Variants in CNTNAP3B observed in about 807,000 individuals in gnomAD.
CNTNAP3B encodes the protein contactin-associated protein-like 3B.
A neutral mutation model predicts 108.9 loss-of-function variants in CNTNAP3B; 25 were observed. The observed-to-expected ratio is 0.23, with a 90% confidence interval of 0.17 to 0.32. CNTNAP3B has a LOEUF of 0.32. Among genes scored for constraint, CNTNAP3B ranks in the 10% least tolerant of loss-of-function variants. The probability of loss-of-function intolerance (pLI) is 1.00; values close to 1 mark genes in which losing one functional copy is unlikely to be tolerated. For missense variants in CNTNAP3B, 252 were observed against 1,210.4 expected (o/e 0.21, Z 11.75); for synonymous variants, 103 against 473.4 (o/e 0.22, Z 10.16).
At chr9:42,125,746 C>T in intron 1 of CNTNAP3B, among the ~76,000 whole-genome samples, 1 of 130,508 alleles carries the variant, frequency 7.7e-6, no homozygotes, top group Non-Finnish European at 1.6e-5. Context: ...TCTCAGCTCA[C>T]TGCCTCCTCA....
At chr9:42,047,345 T>C (rs1251247141) in intron 3 of CNTNAP3B, among the ~76,000 whole-genome samples, 2 of 131,402 alleles carry the variant, frequency 1.5e-5, no homozygotes, top group African/African-American at 3.1e-5. Flanking sequence ...CAAAGTAAAA[T>C]GTCAATAATA....
intron 4 of CNTNAP3B, among the ~76,000 whole-genome samples, chr9:42,010,474 C>A (rs1435612716): frequency 7.2e-6 from 1 of 139,262 alleles, no homozygotes; most frequent in African/African-American, 2.9e-5. Flanking sequence ...AGGGTTCTGG[C>A]CTAAGATTCT....
chr9:41,943,594 C>T (rs911159881), intron 13 of CNTNAP3B, among the ~76,000 whole-genome samples: 9 of 151,042 alleles, frequency 6.0e-5, no homozygotes, highest in East Asian at 1.9e-4. Flanking sequence ...ACTTGTGATC[C>T]GCCCGCCTCG....
intron 3 of CNTNAP3B, among the ~76,000 whole-genome samples, chr9:42,054,705 C>G (rs1392261076): frequency 6.6e-6 from 1 of 151,882 alleles, no homozygotes; most frequent in East Asian, 1.9e-4. Flanking sequence ...AAAAACACCA[C>G]TAAAATAAAT....
rs1249997187 is a variant in CNTNAP3B, at chr9:41,998,704, GAC to G, written c.539-102_539-101del. ...CCATATGCCACACCACACACACATAGACACACATTGTATTTCTAAGCCATTCA... is the reference window on the plus strand; with the variant it reads ...CCATATGCCACACCACACACACATAGACACATTGTATTTCTAAGCCATTCA... On this transcript the variant is annotated intron_variant, in intron 4 of 23. Transcript: ENST00000377561. The G allele has an allele frequency of 8.0e-5, 46 of 578,382 alleles. No individual in the cohort carries two copies. In the East Asian group the frequency reaches 1.3e-3, roughly 16 times the overall value. The allele number at this position is 578,382 out of a possible 1,614,324, so 35.8% of individuals were successfully genotyped here.
intron 15 of CNTNAP3B, among the ~76,000 whole-genome samples, chr9:41,925,579 C>A (rs572163213): frequency 6.6e-5 from 10 of 151,224 alleles, no homozygotes; most frequent in African/African-American, 2.2e-4. Context: ...CGCAACAGAG[C>A]GAGACTCCAT....
intron 18 of CNTNAP3B, among the ~76,000 whole-genome samples, chr9:41,917,881 T>C (rs1361208594): frequency 6.6e-6 from 1 of 151,766 alleles, no homozygotes; most frequent in South Asian, 2.1e-4. Context: ...TATATCCATA[T>C]AGAGTGGAGC....
intron 9 of CNTNAP3B, among the ~76,000 whole-genome samples, chr9:41,977,140 G>A (rs1395541876): frequency 6.9e-6 from 1 of 145,250 alleles, no homozygotes; most frequent in Non-Finnish European, 1.5e-5. Flanking sequence ...ATTATGATAT[G>A]CATAAAAATA....
At chr9:41,945,569 G>A (rs1405532057) in intron 13 of CNTNAP3B, among the ~76,000 whole-genome samples, 1 of 152,308 alleles carries the variant, frequency 6.6e-6, no homozygotes, top group African/African-American at 2.4e-5. Context: ...TGAACAATGA[G>A]AACACTTGGA....
At chr9:41,997,298 A>C (rs1378634259) in intron 6 of CNTNAP3B, among the ~76,000 whole-genome samples, 1 of 152,026 alleles carries the variant, frequency 6.6e-6, no homozygotes, top group Non-Finnish European at 1.5e-5. Context: ...AAATGAGTAC[A>C]TTTAATAACA....
intron 13 of CNTNAP3B, among the ~76,000 whole-genome samples, chr9:41,945,844 A>C (rs1231757860): frequency 1.3e-5 from 2 of 152,102 alleles, no homozygotes; most frequent in Non-Finnish European, 2.9e-5. Flanking sequence ...TGTCTACTGA[A>C]ATCCTCTTTA....
chr9:41,942,984 C>A (rs1230774811), intron 13 of CNTNAP3B, among the ~76,000 whole-genome samples: 1 of 152,242 alleles, frequency 6.6e-6, no homozygotes, highest in African/African-American at 2.4e-5. Context: ...TAAAGCCAAA[C>A]AATACAGTCT....
intron 13 of CNTNAP3B, among the ~76,000 whole-genome samples, chr9:41,952,405 G>T (rs1354494032): frequency 5.3e-5 from 8 of 152,314 alleles, no homozygotes; most frequent in African/African-American, 1.9e-4. Flanking sequence ...ATTTGGGATT[G>T]CTAAAACTAA....
At chr9:42,109,443 A>G (rs1828145343) in intron 1 of CNTNAP3B, among the ~76,000 whole-genome samples, 1 of 69,054 alleles carries the variant, frequency 1.4e-5, no homozygotes, top group African/African-American at 4.7e-5. Flanking sequence ...AATAAGAATG[A>G]AAAAAAAAAA....
intron 17 of CNTNAP3B, among the ~76,000 whole-genome samples, chr9:41,921,426 C>T (rs200936678): frequency 0.088 from 12,920 of 147,310 alleles, no homozygotes; most frequent in Admixed American, 0.19. Flanking sequence ...CATCCACATA[C>T]ATACGTGGGT....
At chr9:42,123,553 A>T (rs924117849) in intron 1 of CNTNAP3B, among the ~76,000 whole-genome samples, 1 of 123,594 alleles carries the variant, frequency 8.1e-6, no homozygotes, top group Non-Finnish European at 1.7e-5. Context: ...TTTACATGAA[A>T]AGGACAGTGA....
chr9:41,918,560 T>C (rs1431782326), intron 18 of CNTNAP3B, among the ~76,000 whole-genome samples: 2 of 143,872 alleles, frequency 1.4e-5, no homozygotes, highest in Non-Finnish European at 3.0e-5. Context: ...TTCCATAAAA[T>C]ATAAAGAATT....
chr9:41,935,906 C>T (rs1320187366), intron 14 of CNTNAP3B, among the ~76,000 whole-genome samples: 2 of 152,294 alleles, frequency 1.3e-5, no homozygotes, highest in East Asian at 3.8e-4. Context: ...TATCAGAGGA[C>T]CTGCACCCAC....
chr9:42,076,389 G>A (rs187336820), intron 3 of CNTNAP3B, among the ~76,000 whole-genome samples: 1,545 of 132,688 alleles, frequency 0.012, 83 homozygotes, highest in Non-Finnish European at 0.017. Flanking sequence ...TTGTGCCACT[G>A]CACTCTAGTC....
Sources: allele counts gnomAD v4.1 joint callset (sites outside exome capture counted in the v4.1 genomes callset), GRCh38; gene constraint gnomAD v4.1.1; transcripts MANE v1.5; gene names NCBI Gene and HGNC (gene_info 2026-07-23, HGNC 2026-07-21).